MTHFD1L: variants seen among roughly 807,000 people sequenced by gnomAD.
MTHFD1L encodes methylenetetrahydrofolate dehydrogenase (NADP+ dependent) 1 like, also known as monofunctional C1-tetrahydrofolate synthase, mitochondrial.
A neutral mutation model predicts 119.5 loss-of-function variants in MTHFD1L; 81 were observed. The observed-to-expected ratio is 0.68, with a 90% CI of 0.57 to 0.82. The LOEUF (loss-of-function observed/expected upper bound fraction) is 0.82, where lower values mean the gene tolerates loss of function less well. Among genes scored for constraint, MTHFD1L ranks in the 40% least tolerant of loss-of-function variants. MTHFD1L has a pLI of 0.00. For synonymous variants in MTHFD1L, 430 were observed against 475.2 expected (o/e 0.90, Z 1.24); for missense variants, 1,125 against 1,253.4 (o/e 0.90, Z 1.55).
At chr6:150,936,973 G>A in intron 12 of MTHFD1L, 33 bp downstream of exon 12, 1 of 1,604,036 alleles carries the variant, frequency 6.2e-7, no homozygotes, top group Non-Finnish European at 8.5e-7. Flanking sequence ...TACTTTTCAG[G>A]GCAAAGTTGG....
intron 7 of MTHFD1L, among the ~76,000 whole-genome samples, chr6:150,901,869 C>G (rs1300256037): frequency 1.3e-5 from 2 of 152,108 alleles, no homozygotes; most frequent in Admixed American, 1.3e-4. Context: ...AGGAATTTAA[C>G]TTGGTTTTCT....
chr6:151,059,327 G>T (rs2128597254), intron 26 of MTHFD1L, among the ~76,000 whole-genome samples: 1 of 152,026 alleles, frequency 6.6e-6, no homozygotes, highest in East Asian at 2.0e-4. Context: ...TTTCCTGCCT[G>T]CGCCACCACG....
At chr6:150,962,195 G>C (rs879885425) in intron 18 of MTHFD1L, among the ~76,000 whole-genome samples, 1 of 151,892 alleles carries the variant, frequency 6.6e-6, no homozygotes, top group African/African-American at 2.4e-5. Flanking sequence ...TCACCATTTT[G>C]GCCAGGCTGG....
intron 11 of MTHFD1L, among the ~76,000 whole-genome samples, chr6:150,929,994 C>G (rs1790746816): frequency 1.3e-5 from 2 of 152,194 alleles, no homozygotes; most frequent in South Asian, 4.1e-4. Context: ...TGAACAGCCC[C>G]TTCTCCCCAA....
At chr6:151,043,258 CTTTTTTTTTTT>C (rs1170553631) in intron 26 of MTHFD1L, among the ~76,000 whole-genome samples, 49 of 78,886 alleles carry the variant, frequency 6.2e-4, no homozygotes, top group African/African-American at 2.3e-3. Flanking sequence ...AGTGTTTTCT[CTTTTTTTTTTT>C]TTTTTTTTTT....
chr6:151,088,879 A>G (rs1226290322), intron 26 of MTHFD1L, among the ~76,000 whole-genome samples: 1 of 152,228 alleles, frequency 6.6e-6, no homozygotes, highest in African/African-American at 2.4e-5. Flanking sequence ...GCCTTTCATC[A>G]GCAGATAGTT....
At chr6:151,059,224 T>G (rs1180319277) in intron 26 of MTHFD1L, among the ~76,000 whole-genome samples, 1 of 152,018 alleles carries the variant, frequency 6.6e-6, no homozygotes, top group East Asian at 1.9e-4. Flanking sequence ...TTGTGGTGGT[T>G]GTTTTAGATG....
intron 26 of MTHFD1L, among the ~76,000 whole-genome samples, chr6:151,084,112 A>T (rs879279328): frequency 6.6e-6 from 1 of 152,216 alleles, no homozygotes; most frequent in Non-Finnish European, 1.5e-5. Context: ...CATTTTCTAC[A>T]TGTTAAATGC....
At chr6:151,037,747 A>G (rs1368941181) in intron 26 of MTHFD1L, among the ~76,000 whole-genome samples, 2 of 152,156 alleles carry the variant, frequency 1.3e-5, no homozygotes, top group African/African-American at 2.4e-5. Context: ...ATCCATGAAG[A>G]TGGGCTTCAT....
At chr6:150,960,800 A>AG (rs1387585546) in intron 18 of MTHFD1L, among the ~76,000 whole-genome samples, 1 of 152,186 alleles carries the variant, frequency 6.6e-6, no homozygotes, top group African/African-American at 2.4e-5. Flanking sequence ...AAGGAACAGA[A>AG]GGAAGTGGCT....
At chr6:151,101,212 C>T (rs961053314) in intron 27 of MTHFD1L, among the ~76,000 whole-genome samples, 1 of 152,138 alleles carries the variant, frequency 6.6e-6, no homozygotes, top group Non-Finnish European at 1.5e-5. Context: ...TCCACAGGAT[C>T]CTGCAAACTG....
chr6:151,085,667 A>C (rs1290106092), intron 26 of MTHFD1L, among the ~76,000 whole-genome samples: 1 of 152,084 alleles, frequency 6.6e-6, no homozygotes, highest in Admixed American at 6.6e-5. Flanking sequence ...GCTACTCGGG[A>C]GGCTGAAGCA....
rs1786655873 is a variant in MTHFD1L at position 151,039,132 on chromosome 6, G to A, written c.2847+2015G>A. Among the ~76,000 whole-genome samples, 3 of 152,168 alleles carry A rather than the reference G, an allele frequency of 2.0e-5. No homozygotes were observed. In the South Asian group the frequency reaches 6.2e-4, roughly 31 times the overall value. Reference sequence around the variant, plus strand: ...ACACCCCTGAAACACCCACGTTAATGCAGCCGACTCCTAGCAGGGGTGCCT... The same window carrying A: ...ACACCCCTGAAACACCCACGTTAATACAGCCGACTCCTAGCAGGGGTGCCT... On this transcript the variant is annotated intron_variant, in intron 26 of 27. Transcript: ENST00000367321. The surrounding 1 kb of genome is among the most constrained non-coding windows in gnomAD (Gnocchi z 4.4).
rs368173735 is a variant in MTHFD1L, at chr6:150,866,674, C to A, written c.227+625C>A. The A allele has an allele frequency of 3.3e-5, 39 of 1,175,662 alleles. No individual in the cohort carries two copies. The African/African-American group carries it at 5.4e-4, about 16-fold the overall frequency. 72.8% of individuals were successfully genotyped at this position (1,175,662 alleles called of 1,614,324 possible). On this transcript the variant is annotated intron_variant, in intron 1 of 27. Coordinates refer to ENST00000367321, the MANE Select transcript of MTHFD1L (RefSeq NM_015440.5). ...CCCGGGACAGCCGCCGGGGGGAATC[C>A]GAGAGGTCTCAGCGCTGGTTTCCAG...
chr6:151,053,432 G>A (rs1789396549), intron 26 of MTHFD1L, among the ~76,000 whole-genome samples: 1 of 152,010 alleles, frequency 6.6e-6, no homozygotes, highest in Non-Finnish European at 1.5e-5. Flanking sequence ...TTTTACTTTG[G>A]GCCTGAAAAT....
At chr6:151,076,016 G>A (rs1054803038) in intron 26 of MTHFD1L, among the ~76,000 whole-genome samples, 8 of 152,166 alleles carry the variant, frequency 5.3e-5, no homozygotes, top group African/African-American at 1.9e-4. Context: ...CAGGCATTAG[G>A]GAAATGGAAA....
At chr6:150,950,820 C>A (rs192135945) in intron 16 of MTHFD1L, among the ~76,000 whole-genome samples, 1 of 152,094 alleles carries the variant, frequency 6.6e-6, no homozygotes, top group Non-Finnish European at 1.5e-5. Flanking sequence ...CAGGCACACA[C>A]CACCACACGT....
intron 11 of MTHFD1L, among the ~76,000 whole-genome samples, chr6:150,927,479 CAG>C (rs1266784503): frequency 8.0e-6 from 1 of 124,420 alleles, no homozygotes; most frequent in African/African-American, 3.2e-5. Context: ...TTTTTTGAGA[CAG>C]AGTCTTGCTC....
chr6:150,871,723 C>T (rs1349384647), intron 1 of MTHFD1L, among the ~76,000 whole-genome samples: 1 of 151,452 alleles, frequency 6.6e-6, no homozygotes, highest in East Asian at 1.9e-4. Flanking sequence ...AGGCTGGTCT[C>T]GAACTCCTGA....
Sources: allele counts gnomAD v4.1 joint callset (sites outside exome capture counted in the v4.1 genomes callset), GRCh38; gene constraint gnomAD v4.1.1; non-coding constraint Gnocchi (gnomAD v3.1); transcripts MANE v1.5; gene names NCBI Gene and HGNC (gene_info 2026-07-23, HGNC 2026-07-21).